The following CNTNAP4 variants were observed in gnomAD, a reference collection of about 807,000 sequenced individuals.
The protein encoded by CNTNAP4 is contactin-associated protein-like 4.
Under a neutral mutation model 148.4 loss-of-function variants are expected in CNTNAP4, and 98 were observed. The observed-to-expected ratio is 0.66, with a 90% CI of 0.56 to 0.78. The LOEUF (loss-of-function observed/expected upper bound fraction) is 0.78. Among genes scored for constraint, CNTNAP4 ranks in the 30% least tolerant of loss-of-function variants. CNTNAP4 has a pLI of 0.00. For missense variants in CNTNAP4, 1,935 were observed against 1,565.6 expected (o/e 1.24, Z -3.98); for synonymous variants, 730 against 565.1 (o/e 1.29, Z -4.14).
chr16:76,526,797 C>G (rs1441219813), intron 17 of CNTNAP4, among the ~76,000 whole-genome samples: 3 of 152,084 alleles, frequency 2.0e-5, no homozygotes, highest in African/African-American at 7.2e-5. Flanking sequence ...CCTCAGCCTC[C>G]CAAGTAGCTG....
intron 7 of CNTNAP4, among the ~76,000 whole-genome samples, chr16:76,450,864 C>T (rs1266233333): frequency 6.6e-6 from 1 of 152,166 alleles, no homozygotes; most frequent in Non-Finnish European, 1.5e-5. Flanking sequence ...TGGACCTCAG[C>T]AATTTTCAGA....
chr16:76,286,446 A>G (rs570316625), intron 1 of CNTNAP4, among the ~76,000 whole-genome samples: 18 of 152,250 alleles, frequency 1.2e-4, no homozygotes, highest in South Asian at 4.1e-4. Flanking sequence ...TCACCCAAAC[A>G]GAGAAGTGAT....
At chr16:76,383,395 GAAA>G (rs34346486) in intron 3 of CNTNAP4, among the ~76,000 whole-genome samples, 2 of 58,268 alleles carry the variant, frequency 3.4e-5, no homozygotes, top group African/African-American at 4.8e-5. Flanking sequence ...TACAGGAACA[GAAA>G]AAAAAAAAAA....
chr16:76,426,414 C>T (rs185766338), intron 3 of CNTNAP4, among the ~76,000 whole-genome samples: 2 of 152,178 alleles, frequency 1.3e-5, no homozygotes, highest in East Asian at 1.9e-4. Context: ...AATGTAGTTG[C>T]ATGTCCCCTT....
chr16:76,486,744 G>A (rs1311891828), intron 12 of CNTNAP4, among the ~76,000 whole-genome samples: 2 of 152,166 alleles, frequency 1.3e-5, no homozygotes, highest in Non-Finnish European at 1.5e-5. Context: ...TGACATTCCA[G>A]AGCCAAAGTC....
intron 3 of CNTNAP4, among the ~76,000 whole-genome samples, chr16:76,398,972 C>T (rs2078307635): frequency 6.6e-6 from 1 of 152,024 alleles, no homozygotes; most frequent in South Asian, 2.1e-4. Flanking sequence ...AATTATGGGG[C>T]AGTTTTCCCC....
intron 4 of CNTNAP4, among the ~76,000 whole-genome samples, chr16:76,433,485 A>G (rs902327328): frequency 3.3e-5 from 5 of 152,124 alleles, no homozygotes; most frequent in African/African-American, 9.7e-5. Flanking sequence ...AAAAATTCCA[A>G]TTTTTTTACA....
intron 1 of CNTNAP4, among the ~76,000 whole-genome samples, chr16:76,315,697 C>T (rs1961655233): frequency 1.3e-5 from 2 of 151,984 alleles, no homozygotes; most frequent in African/African-American, 4.8e-5. Flanking sequence ...CAGGTTAAAG[C>T]GATTCTCCTG....
intron 21 of CNTNAP4, among the ~76,000 whole-genome samples, chr16:76,542,048 TTCAAG>T (rs1171387977): frequency 2.6e-5 from 4 of 152,200 alleles, no homozygotes; most frequent in Non-Finnish European, 5.9e-5. Context: ...ATTCCGTTGA[TTCAAG>T]TCTTGTCCTC....
chr16:76,520,892 A>C (rs942041994), intron 15 of CNTNAP4, among the ~76,000 whole-genome samples: 1 of 152,146 alleles, frequency 6.6e-6, no homozygotes, highest in Admixed American at 6.6e-5. Flanking sequence ...TAACATTTAG[A>C]CCATTTCTGT....
intron 15 of CNTNAP4, among the ~76,000 whole-genome samples, chr16:76,519,316 A>G (rs1005742595): frequency 1.3e-5 from 2 of 152,220 alleles, no homozygotes; most frequent in African/African-American, 2.4e-5. Context: ...ATTCATGTAC[A>G]GATAGCAGCA....
chr16:76,351,966 T>C (rs1268971335), intron 2 of CNTNAP4, among the ~76,000 whole-genome samples: 1 of 152,184 alleles, frequency 6.6e-6, no homozygotes, highest in Non-Finnish European at 1.5e-5. Context: ...GGAAAACATA[T>C]TCTCAATTCC....
chr16:76,423,599 A>G (rs1036432638), intron 3 of CNTNAP4, among the ~76,000 whole-genome samples: 1 of 152,220 alleles, frequency 6.6e-6, no homozygotes, highest in African/African-American at 2.4e-5. Flanking sequence ...TTCCTAGGCA[A>G]AGGAATACAT....
At chr16:76,328,365 C>G (rs1294928720) in intron 2 of CNTNAP4, among the ~76,000 whole-genome samples, 4 of 152,102 alleles carry the variant, frequency 2.6e-5, no homozygotes, top group African/African-American at 9.7e-5. Flanking sequence ...AATACCTGAC[C>G]AGCCATTCTC....
chr16:76,363,000 C>T (rs2013626101), intron 3 of CNTNAP4, among the ~76,000 whole-genome samples: 1 of 151,466 alleles, frequency 6.6e-6, no homozygotes. Context: ...GAGGAAGTAT[C>T]ATTTGAGGCC....
At chr16:76,373,635 C>T (rs1026637917) in intron 3 of CNTNAP4, among the ~76,000 whole-genome samples, 1 of 152,084 alleles carries the variant, frequency 6.6e-6, no homozygotes, top group Admixed American at 6.6e-5. Context: ...CATCTCATGC[C>T]TGTAATCTCA....
intron 4 of CNTNAP4, among the ~76,000 whole-genome samples, chr16:76,429,693 T>A (rs544609275): frequency 1.7e-4 from 26 of 152,334 alleles, no homozygotes; most frequent in African/African-American, 5.8e-4. Flanking sequence ...TTTTGAGTTA[T>A]CTGCTGCTCT....
chr16:76,403,427 T>C (rs528259100), intron 3 of CNTNAP4, among the ~76,000 whole-genome samples: 1 of 152,268 alleles, frequency 6.6e-6, no homozygotes, highest in African/African-American at 2.4e-5. Context: ...TATATATGGC[T>C]AACAAGCATA....
chr16:76,437,596 A>G (rs1194102424), intron 4 of CNTNAP4, among the ~76,000 whole-genome samples: 1 of 152,112 alleles, frequency 6.6e-6, no homozygotes, highest in Non-Finnish European at 1.5e-5. Context: ...GATAATAATA[A>G]TTGAAAAAGC....
Sources: allele counts gnomAD v4.1 joint callset (sites outside exome capture counted in the v4.1 genomes callset), GRCh38; gene constraint gnomAD v4.1.1; transcripts MANE v1.5; gene names NCBI Gene and HGNC (gene_info 2026-07-23, HGNC 2026-07-21).